The following ZNF407 variants were observed in gnomAD, a reference collection of about 807,000 sequenced individuals.
ZNF407 encodes the protein zinc finger protein 407.
A neutral mutation model predicts 131.2 loss-of-function variants in ZNF407; 17 were observed. The observed-to-expected ratio is 0.13, with a 90% confidence interval of 0.09 to 0.19. ZNF407 has a LOEUF of 0.19. Among genes scored for constraint, ZNF407 ranks in the 10% least tolerant of loss-of-function variants. ZNF407 has a pLI of 1.00. For synonymous variants in ZNF407, 1,156 were observed against 1,062.0 expected, an observed-to-expected ratio of 1.09 and a Z score of -1.72; for missense variants, 2,681 against 2,830.6, an observed-to-expected ratio of 0.95 and a Z score of 1.20.
chr18:74,753,188 T>G (rs951458264), intron 3 of ZNF407, among the ~76,000 whole-genome samples: 3 of 152,236 alleles, frequency 2.0e-5, no homozygotes, highest in Admixed American at 6.5e-5. Context: ...TCTGTTTGTC[T>G]GTTATTGGTG....
chr18:74,693,905 A>G lies in ZNF407; in HGVS notation c.4802+52783A>G, dbSNP rs138328133. Among the ~76,000 whole-genome samples, 331 of 152,024 alleles carry G rather than the reference A, an allele frequency of 2.2e-3. 1 individual carries two copies. Among genetic ancestry groups the G allele is most frequent in the African/African-American group, 7.4e-3 (307 of 41,490 alleles). On this transcript the variant is annotated intron_variant, in intron 3 of 8. Coordinates refer to ENST00000299687, the MANE Select transcript of ZNF407 (RefSeq NM_017757.3). ...TTTGATATTGTCTCATAAGTTACTG[A>G]TTCTGTGCTCATTTTGTTATCTTTC...
At chr18:74,747,024 T>G (rs1968685110) in intron 3 of ZNF407, among the ~76,000 whole-genome samples, 1 of 152,158 alleles carries the variant, frequency 6.6e-6, no homozygotes, top group African/African-American at 2.4e-5. Flanking sequence ...AGGTCATTAG[T>G]CAACAGGAAT....
chr18:74,798,205 C>CGCAA (rs1555689642), intron 4 of ZNF407, among the ~76,000 whole-genome samples: 2 of 63,566 alleles, frequency 3.1e-5, no homozygotes, highest in African/African-American at 1.5e-4. Context: ...TCTTCCTTTA[C>CGCAA]ACAAACACAC....
intron 8 of ZNF407, among the ~76,000 whole-genome samples, chr18:74,925,594 C>T (rs1490011381): frequency 5.9e-5 from 9 of 152,192 alleles, no homozygotes; most frequent in Non-Finnish European, 1.3e-4. Flanking sequence ...CTCCCAAATT[C>T]CTCTTGGCCC....
chr18:74,804,426 A>G (rs1970077096), intron 4 of ZNF407: 7 of 994,580 alleles, frequency 7.0e-6, no homozygotes, highest in South Asian at 4.6e-5. Context: ...TAATTATTCT[A>G]ATTAACACAT....
chr18:74,788,691 G>A (rs1304478287), intron 4 of ZNF407, among the ~76,000 whole-genome samples: 1 of 149,052 alleles, frequency 6.7e-6, no homozygotes, highest in Non-Finnish European at 1.5e-5. Flanking sequence ...GTTTTTAAGT[G>A]TTAGTAGTAT....
chr18:74,741,847 C>A (rs1197038561), intron 3 of ZNF407, among the ~76,000 whole-genome samples: 1 of 152,124 alleles, frequency 6.6e-6, no homozygotes. Flanking sequence ...TACTTGGAAT[C>A]TGTCATGCTC....
At chr18:75,009,134 A>G (rs1972945106) in intron 8 of ZNF407, among the ~76,000 whole-genome samples, 1 of 152,138 alleles carries the variant, frequency 6.6e-6, no homozygotes. Flanking sequence ...TTAAAACTTC[A>G]TTTACAAAAA....
intron 8 of ZNF407, among the ~76,000 whole-genome samples, chr18:74,949,645 G>A (rs975663048): frequency 6.6e-6 from 1 of 152,196 alleles, no homozygotes; most frequent in African/African-American, 2.4e-5. Context: ...TGAATTCCCA[G>A]GTTAAGAAGA....
chr18:74,815,400 C>T (rs1468695731), intron 4 of ZNF407, among the ~76,000 whole-genome samples: 1 of 152,128 alleles, frequency 6.6e-6, no homozygotes, highest in Non-Finnish European at 1.5e-5. Context: ...GGCCCTGGTC[C>T]TGGTCACTCA....
At chr18:75,050,595 T>C (rs1395291960) in intron 8 of ZNF407, among the ~76,000 whole-genome samples, 3 of 152,204 alleles carry the variant, frequency 2.0e-5, no homozygotes, top group Non-Finnish European at 1.5e-5. Context: ...GTATAGGCAA[T>C]GAACGCAGAA....
At chr18:74,946,842 T>C (rs1568279349) in intron 8 of ZNF407, among the ~76,000 whole-genome samples, 1 of 151,906 alleles carries the variant, frequency 6.6e-6, no homozygotes, top group African/African-American at 2.4e-5. Flanking sequence ...GAACAGCTGA[T>C]CATGCTGCTT....
chr18:74,987,006 A>G (rs1267562391), intron 8 of ZNF407, among the ~76,000 whole-genome samples: 1 of 152,098 alleles, frequency 6.6e-6, no homozygotes, highest in Admixed American at 6.5e-5. Context: ...CCTTCATGTA[A>G]AGGTATTTTT....
intron 4 of ZNF407, among the ~76,000 whole-genome samples, chr18:74,814,345 G>C (rs922444302): frequency 2.0e-5 from 3 of 152,030 alleles, no homozygotes; most frequent in African/African-American, 7.2e-5. Flanking sequence ...TGTTGGTCCT[G>C]AATTCCTGGC....
In ZNF407 at chr18:74,617,976, C is replaced by G. The variant is rs1983386713; in HGVS notation, c.-53-12991C>G. Among the ~76,000 whole-genome samples the G allele has an allele frequency of 2.0e-5, 3 of 152,300 alleles. No homozygotes were observed. The South Asian group carries it at 6.2e-4, about 32-fold the overall frequency. On this transcript the variant is annotated intron_variant, in intron 1 of 8. Coordinates refer to ENST00000299687, the MANE Select transcript of ZNF407 (RefSeq NM_017757.3). ...TTGCCCCTCAGCCTTCTGCTACAAA[C>G]AGAGCCATCCTTTTGCTCCTCTCTC...
At chr18:74,815,091 A>G (rs1192766804) in intron 4 of ZNF407, among the ~76,000 whole-genome samples, 3 of 152,062 alleles carry the variant, frequency 2.0e-5, no homozygotes, top group Non-Finnish European at 4.4e-5. Context: ...AAATAAATGG[A>G]TCATATTTTA....
intron 1 of ZNF407, among the ~76,000 whole-genome samples, chr18:74,599,298 G>T (rs1454871860): frequency 6.6e-6 from 1 of 152,150 alleles, no homozygotes; most frequent in Non-Finnish European, 1.5e-5. Flanking sequence ...CAACACAGTT[G>T]CTACTGGTGC....
At chr18:74,797,882 A>T (rs1969949977) in intron 4 of ZNF407, among the ~76,000 whole-genome samples, 1 of 151,604 alleles carries the variant, frequency 6.6e-6, no homozygotes, top group Admixed American at 6.6e-5. Flanking sequence ...TACAACTATC[A>T]TATTAATGGG....
At chr18:75,060,625 C>G in intron 8 of ZNF407, among the ~76,000 whole-genome samples, 1 of 151,338 alleles carries the variant, frequency 6.6e-6, no homozygotes, top group South Asian at 2.1e-4. Context: ...CCTGCCTCAG[C>G]CTCCCGAGTA....
Sources: gnomAD v4.1 joint callset for allele counts (sites outside exome capture counted in the v4.1 genomes callset) on GRCh38, gnomAD v4.1.1 for gene constraint, MANE v1.5 for transcripts, NCBI Gene and HGNC (gene_info 2026-07-23, HGNC 2026-07-21) for gene names.